ZBED6: variants seen among roughly 807,000 people sequenced by gnomAD.
The protein encoded by ZBED6 is zinc finger BED domain-containing protein 6.
In ZBED6, 40 loss-of-function variants were observed where a neutral mutation model predicts 58.4. The ratio of observed to expected loss-of-function variants is 0.68; its 90% CI spans 0.53 to 0.89. ZBED6 has a LOEUF of 0.89. Ranked by LOEUF, ZBED6 falls within the 40% of genes least tolerant of loss-of-function variation. The pLI is 0.00. For missense variants in ZBED6, 1,057 were observed against 1,003.9 expected, an observed-to-expected ratio of 1.05 and a Z score of -0.71; for synonymous variants, 439 against 350.6, an observed-to-expected ratio of 1.25 and a Z score of -2.82.
chr1:203,828,539 C>T, intron 4 of ZBED6, 117 bp downstream of exon 4: 2 of 1,269,892 alleles, frequency 1.6e-6, no homozygotes, highest in Non-Finnish European at 1.1e-6. Flanking sequence ...AGAATTATTT[C>T]CACTTTACAG....
At chr1:203,806,939 A>ATT (rs11402411) in intron 1 of ZBED6, among the ~76,000 whole-genome samples, 1 of 148,508 alleles carries the variant, frequency 6.7e-6, no homozygotes, top group East Asian at 2.0e-4. Context: ...TTACTACAGG[A>ATT]TTTTTTTTGT....
At chr1:203,839,191 A>G (rs1572266623) in intron 10 of ZBED6, among the ~76,000 whole-genome samples, 1 of 152,298 alleles carries the variant, frequency 6.6e-6, no homozygotes, top group East Asian at 1.9e-4. Context: ...ATCAAGAGAT[A>G]GCTGGGAGTT....
rs774700189 is a variant in ZBED6, at chr1:203,830,121, A to G, written c.*3319-2A>G. 6.3e-7 allele frequency: 1 copy of G among 1,587,722 alleles called. No individual in the cohort carries two copies. Among genetic ancestry groups the G allele is most frequent in the Non-Finnish European group, 8.6e-7 (1 of 1,168,668 alleles). Reference sequence around the variant, plus strand: ...TCATAAAATTTCTATTTGAATTTTCAGGTGAATGTTTGAATTTTGGAATAA... The same window carrying G: ...TCATAAAATTTCTATTTGAATTTTCGGGTGAATGTTTGAATTTTGGAATAA... On this transcript the variant is annotated splice_acceptor_variant, in intron 6 of 16. Transcript: ENST00000550078. LOFTEE classifies it low-confidence loss of function (3UTR_SPLICE).
chr1:203,812,417 C>T (rs1490842558), intron 1 of ZBED6, among the ~76,000 whole-genome samples: 1 of 152,098 alleles, frequency 6.6e-6, no homozygotes, highest in Non-Finnish European at 1.5e-5. Flanking sequence ...AGGATAATAG[C>T]CTCTGGCTCC....
Position 203,817,132 on chromosome 1 carries a change from T to A in ZBED6, c.*2753+8T>A, listed in dbSNP as rs760894438. The A allele has an allele frequency of 6.2e-7, 1 of 1,602,064 alleles. No homozygotes were observed. The highest frequency in any genetic ancestry group is 8.5e-7 in the Non-Finnish European group (1 of 1,173,310). Reference sequence around the variant, plus strand: ...TATTCCACATGTACCAAAGTAAGAATTGACATCTTTAAATCAGTTCTTTCT... The same window carrying A: ...TATTCCACATGTACCAAAGTAAGAAATGACATCTTTAAATCAGTTCTTTCT... On this transcript the variant is annotated splice_region_variant and intron_variant, in intron 2 of 16. Transcript: ENST00000550078.
At chr1:203,827,841 A>G (rs189649725) in intron 3 of ZBED6, among the ~76,000 whole-genome samples, 215 of 152,274 alleles carry the variant, frequency 1.4e-3, no homozygotes, top group Non-Finnish European at 1.1e-3. Context: ...AGTTTGACCT[A>G]TGTGCTTAGT....
At chr1:203,820,512 C>T (rs984379312) in intron 3 of ZBED6, among the ~76,000 whole-genome samples, 48 of 131,068 alleles carry the variant, frequency 3.7e-4, no homozygotes, top group Admixed American at 1.2e-3. Context: ...GAGTCTCGCG[C>T]TGTTACCCAG....
intron 11 of ZBED6, among the ~76,000 whole-genome samples, chr1:203,844,970 C>A (rs999403428): frequency 2.0e-5 from 3 of 152,066 alleles, no homozygotes; most frequent in African/African-American, 7.2e-5. Context: ...AGGAGGAGGT[C>A]ATGACTGGCC....
At chr1:203,805,305 G>A (rs1244252612) in intron 1 of ZBED6, among the ~76,000 whole-genome samples, 1 of 151,650 alleles carries the variant, frequency 6.6e-6, no homozygotes, top group Non-Finnish European at 1.5e-5. Context: ...CTAATTTTTT[G>A]TATTTTTAGT....
At chr1:203,851,290 G>C (rs1689192674) in intron 16 of ZBED6, among the ~76,000 whole-genome samples, 166 bp downstream of exon 16, 1 of 152,080 alleles carries the variant, frequency 6.6e-6, no homozygotes, top group South Asian at 2.1e-4. Flanking sequence ...TTCTTCTTTG[G>C]TGCCATTGTT....
chr1:203,824,272 A>AT (rs1553264815), intron 3 of ZBED6, among the ~76,000 whole-genome samples: 4 of 67,456 alleles, frequency 5.9e-5, no homozygotes, highest in Admixed American at 5.0e-4. Context: ...CCATCTCAAA[A>AT]TTAAAAAAAA....
chr1:203,796,221 C>T (rs1487500919), exon 1 of ZBED6: 6 of 390,908 alleles, frequency 1.5e-5, no homozygotes, highest in Non-Finnish European at 2.7e-5. Context: ...TCTAGTTGAG[C>T]GGACCCTCAC....
rs1323723732 is a variant in ZBED6 at position 203,799,397 on chromosome 1, A to G, written c.1875A>G (p.Ile625Met). 4.3e-6 allele frequency: 3 copies of G among 703,112 alleles called. No homozygotes were observed. The East Asian group carries it at 8.0e-5, about 19-fold the overall frequency. 43.6% of individuals were successfully genotyped at this position (703,112 alleles called of 1,614,324 possible). The change falls in exon 1 of 17, where the codon ATA becomes ATG. Residue 625 changes from isoleucine (I) to methionine (M), a missense_variant. Coordinates refer to ENST00000550078, the Ensembl canonical transcript of ZBED6. ...GTCATTCGGTCAAGGCCCGTCAGAT[A>G]CTGCAAGAGTTCCAAAATGATCACC...
intron 3 of ZBED6, among the ~76,000 whole-genome samples, chr1:203,824,945 C>T (rs1019033793): frequency 2.6e-5 from 4 of 151,886 alleles, no homozygotes; most frequent in African/African-American, 4.8e-5. Context: ...GGCATGGTGA[C>T]ACGTGCCTAT....
intron 7 of ZBED6, among the ~76,000 whole-genome samples, chr1:203,830,648 TA>T (rs904179007): frequency 6.6e-6 from 1 of 151,930 alleles, no homozygotes; most frequent in African/African-American, 2.4e-5. Context: ...CCGTCTCTAC[TA>T]AAACAAAAAA....
At chr1:203,798,870 A>G in exon 1 of ZBED6, 1 of 1,536,058 alleles carries the variant, frequency 6.5e-7, no homozygotes, top group Non-Finnish European at 8.7e-7. Context: ...GCCATCAGAG[A>G]CTTACTTTTT....
At chr1:203,846,905 G>A (rs890321355) in intron 11 of ZBED6, among the ~76,000 whole-genome samples, 2 of 151,956 alleles carry the variant, frequency 1.3e-5, no homozygotes, top group Admixed American at 1.3e-4. Flanking sequence ...TTGGGAGGCT[G>A]AGGCAGGAGA....
At chr1:203,803,783 C>A (rs183353702) in intron 1 of ZBED6, among the ~76,000 whole-genome samples, 4 of 151,964 alleles carry the variant, frequency 2.6e-5, no homozygotes, top group Admixed American at 6.6e-5. Flanking sequence ...TTTTTAAAAC[C>A]TTTTGTAGAG....
chr1:203,833,092 G>A (rs4951269), intron 8 of ZBED6, among the ~76,000 whole-genome samples: 17 of 152,154 alleles, frequency 1.1e-4, no homozygotes, highest in African/African-American at 2.9e-4. Context: ...AAATTAGGCT[G>A]GGTGTGGTGG....
Sources: allele counts gnomAD v4.1 joint callset (sites outside exome capture counted in the v4.1 genomes callset), GRCh38; gene constraint gnomAD v4.1.1; transcripts MANE v1.5; gene names NCBI Gene and HGNC (gene_info 2026-07-23, HGNC 2026-07-21).